The following DNAH14 variants were observed in gnomAD, a reference collection of about 807,000 sequenced individuals.
DNAH14 encodes the protein dynein axonemal heavy chain 14.
A neutral mutation model predicts 520.9 loss-of-function variants in DNAH14; 478 were observed. The ratio of observed to expected loss-of-function variants is 0.92; its 90% CI spans 0.85 to 0.99. The LOEUF (loss-of-function observed/expected upper bound fraction) is 0.99. Among genes scored for constraint, DNAH14 ranks in the 50% least tolerant of loss-of-function variants. The probability of loss-of-function intolerance (pLI) is 0.00; values close to 1 mark genes in which losing one functional copy is unlikely to be tolerated. For synonymous variants in DNAH14, 1,581 were observed against 1,757.2 expected (o/e 0.90, Z 2.51); for missense variants, 4,831 against 5,234.5 (o/e 0.92, Z 2.38).
At chr1:224,971,096 A>AT (rs1177742562) in intron 7 of DNAH14, among the ~76,000 whole-genome samples, 3 of 152,206 alleles carry the variant, frequency 2.0e-5, no homozygotes, top group Admixed American at 1.3e-4. Flanking sequence ...ATGATTAAAA[A>AT]TTTATCTAGT....
At chr1:225,224,947 A>G (rs558774278) in intron 41 of DNAH14, among the ~76,000 whole-genome samples, 1 of 152,298 alleles carries the variant, frequency 6.6e-6, no homozygotes, top group African/African-American at 2.4e-5. Context: ...GACTTCAGCA[A>G]TTGCTGGGTC....
Position 225,333,422 on chromosome 1 carries a change from T to A in DNAH14, c.9996T>A (p.Asn3332Lys). Reference protein sequence around the residue: ...LTPEFRQLIVNKWETFCIENG... With the variant: ...LTPEFRQLIVKKWETFCIENG... ...CAGAATTTCGCCAGTTGATTGTGAA[T>A]AAATGGGAGACATTCTGCATTGAAA... Residue 3332 changes from asparagine (N) to lysine (K), a missense_variant, in exon 66 of 86, where the codon AAT becomes AAA. Physicochemically the swap from Asn to Lys is moderately conservative, Grantham distance 94. Transcript: ENST00000682510. 1.9e-6 allele frequency: 3 copies of A among 1,551,546 alleles called. No homozygotes were observed. Among genetic ancestry groups the A allele is most frequent in the Non-Finnish European group, 2.6e-6 (3 of 1,146,882 alleles).
At chr1:225,139,417 T>TC (rs2079232430) in intron 27 of DNAH14, among the ~76,000 whole-genome samples, 1 of 152,200 alleles carries the variant, frequency 6.6e-6, no homozygotes, top group Admixed American at 6.5e-5. Context: ...CCAAAGTTTT[T>TC]CACACATCTG....
At chr1:225,305,809 A>G (rs748765603) in intron 58 of DNAH14, among the ~76,000 whole-genome samples, 2 of 152,186 alleles carry the variant, frequency 1.3e-5, no homozygotes, top group Non-Finnish European at 2.9e-5. Flanking sequence ...GTATCCAGCT[A>G]ATAATTGTTT....
rs1448333139 is a variant in DNAH14 at position 225,270,779 on chromosome 1, GAATGATA to G, written c.7585_7591del (p.Asn2529SerfsTer50). On this transcript the variant is annotated frameshift_variant, in exon 50 of 86. Transcript: ENST00000682510. LOFTEE classifies it high-confidence loss of function. ...TAGTTGCAGCTTGTGTTCCAGTTGT[GAATGATA>G]TCAGCCCACGTCTTCTCAAACACTT... 3.2e-6 allele frequency: 5 copies of G among 1,551,170 alleles called. No homozygotes were observed. In the African/African-American group the frequency reaches 6.8e-5, roughly 21 times the overall value.
In DNAH14 at chr1:225,023,773, T is replaced by TA; in HGVS notation, c.1267dup (p.Met423AsnfsTer13). 1.3e-6 allele frequency: 2 copies of TA among 1,550,882 alleles called. No homozygotes were observed. Among genetic ancestry groups the TA allele is most frequent in the South Asian group, 2.4e-5 (2 of 84,022 alleles). On this transcript the variant is annotated frameshift_variant, in exon 11 of 86. Transcript: ENST00000682510. LOFTEE classifies it high-confidence loss of function. ...TATTTCAGGAACTCATTCGTCAACTTATGAACACTGCAGTCACACTACTTT... is the reference window on the plus strand; with the variant it reads ...TATTTCAGGAACTCATTCGTCAACTTAATGAACACTGCAGTCACACTACTTT...
At chr1:225,332,331 C>T (rs2094815947) in intron 65 of DNAH14, among the ~76,000 whole-genome samples, 1 of 152,114 alleles carries the variant, frequency 6.6e-6, no homozygotes, top group Non-Finnish European at 1.5e-5. Flanking sequence ...AGATGGATGT[C>T]CCTGAGAGTC....
intron 44 of DNAH14, among the ~76,000 whole-genome samples, chr1:225,255,620 A>G (rs1429263895): frequency 6.6e-6 from 1 of 152,216 alleles, no homozygotes; most frequent in Non-Finnish European, 1.5e-5. Flanking sequence ...GCATCCAGTC[A>G]GAAGCCAATG....
chr1:225,251,544 T>C (rs1436096566), intron 43 of DNAH14, among the ~76,000 whole-genome samples: 2 of 152,158 alleles, frequency 1.3e-5, no homozygotes, highest in African/African-American at 4.8e-5. Flanking sequence ...AGAGTTCTTA[T>C]GTACAACACT....
Position 225,364,792 on chromosome 1 carries a change from T to C in DNAH14, c.11988T>C (p.Ser3996=). The C allele has an allele frequency of 6.5e-7, 1 of 1,530,050 alleles. No homozygotes were observed. Among genetic ancestry groups the C allele is most frequent in the Non-Finnish European group, 8.8e-7 (1 of 1,139,796 alleles). The allele number at this position is 1,530,050 out of a possible 1,614,324, so 94.8% of individuals were successfully genotyped here. ...FMPRLCTIVE[S]FNSPNVTIDP... is the part of the protein sequence containing the mutation. ...TATTTATAAATTTTTTATTTTGCAG[T>C]TTTAATAGTCCAAACGTGACAATAG... is the stretch of plus-strand genomic sequence containing the variant. Residue 3996 remains serine, a splice_region_variant and synonymous_variant, in exon 76 of 86, where the codon TCT becomes TCC. Coordinates refer to ENST00000682510, the MANE Select transcript of DNAH14 (RefSeq NM_001367479.1).
chr1:225,043,921 C>T lies in DNAH14; in HGVS notation c.1850C>T (p.Pro617Leu). 2.0e-6 allele frequency: 3 copies of T among 1,525,850 alleles called. No individual in the cohort carries two copies. The highest frequency in any genetic ancestry group is 2.7e-6 in the Non-Finnish European group (3 of 1,129,042). 94.5% of individuals were successfully genotyped at this position (1,525,850 alleles called of 1,614,324 possible). Residue 617 changes from proline to leucine, a missense_variant, in exon 15 of 86, where the codon CCC becomes CTC. Transcript: ENST00000682510. ...TTTCCTACAAATCTCTTTATAGATCCCAACAGATTGGAGTTTTCAGTAAAA... is the reference window on the plus strand; with the variant it reads ...TTTCCTACAAATCTCTTTATAGATCTCAACAGATTGGAGTTTTCAGTAAAA... The part of the protein sequence containing the change: ...PEFPTNLFID[P>L]NRLEFSVKIQ...
chr1:225,244,259 A>C (rs2092144060), intron 43 of DNAH14, among the ~76,000 whole-genome samples: 1 of 152,108 alleles, frequency 6.6e-6, no homozygotes, highest in South Asian at 2.1e-4. Context: ...TTTTGCCAGT[A>C]TTTTATTGAG....
At chr1:225,144,744 C>A in intron 29 of DNAH14, 116 bp downstream of exon 29, 1 of 779,040 alleles carries the variant, frequency 1.3e-6, no homozygotes, top group Non-Finnish European at 2.0e-6. Flanking sequence ...CATTAACAAG[C>A]ACATTCATTA....
intron 27 of DNAH14, among the ~76,000 whole-genome samples, chr1:225,125,849 A>G (rs1457654451): frequency 6.6e-6 from 1 of 152,142 alleles, no homozygotes; most frequent in Non-Finnish European, 1.5e-5. Context: ...AAGCTTAATC[A>G]TCTCTAGCTT....
intron 46 of DNAH14, among the ~76,000 whole-genome samples, chr1:225,262,287 T>C (rs2092961476): frequency 6.6e-6 from 1 of 152,070 alleles, no homozygotes; most frequent in East Asian, 1.9e-4. Context: ...TCCCATTCTG[T>C]AGGTTGTCTG....
intron 41 of DNAH14, among the ~76,000 whole-genome samples, chr1:225,222,716 C>A (rs1266050317): frequency 6.6e-6 from 1 of 152,104 alleles, no homozygotes; most frequent in African/African-American, 2.4e-5. Flanking sequence ...CTTCAAGCCC[C>A]CACCCGACCC....
intron 42 of DNAH14, among the ~76,000 whole-genome samples, chr1:225,236,373 G>A (rs2091577880): frequency 6.6e-6 from 1 of 152,186 alleles, no homozygotes; most frequent in Non-Finnish European, 1.5e-5. Flanking sequence ...TAATTTGATT[G>A]TGCTGTCATC....
At chr1:224,997,564 A>G (rs764335431) in intron 8 of DNAH14, among the ~76,000 whole-genome samples, 1 of 151,662 alleles carries the variant, frequency 6.6e-6, no homozygotes. Flanking sequence ...TGCTAGTTGA[A>G]CTTTCTTTGG....
intron 1 of DNAH14, among the ~76,000 whole-genome samples, chr1:224,949,468 C>T (rs1463674996): frequency 6.6e-6 from 1 of 152,126 alleles, no homozygotes; most frequent in African/African-American, 2.4e-5. Flanking sequence ...TCATTATGGT[C>T]CCCATTTCTC....
Sources: gnomAD v4.1 joint callset for allele counts (sites outside exome capture counted in the v4.1 genomes callset) on GRCh38, gnomAD v4.1.1 for gene constraint, MANE v1.5 for transcripts, NCBI Gene and HGNC (gene_info 2026-07-23, HGNC 2026-07-21) for gene names.